Variants in ZNF765 observed in about 807,000 individuals in gnomAD.
ZNF765 encodes the protein zinc finger protein 765.
ZNF765 carries 37 observed loss-of-function variants against 44.7 expected under a neutral mutation model. The observed-to-expected ratio is 0.83, with a 90% CI of 0.64 to 1.09. ZNF765 has a LOEUF of 1.09. ZNF765 is among the 50% of genes least tolerant of loss of function. The pLI, the probability that ZNF765 is intolerant of heterozygous loss-of-function variation, is 0.00. For synonymous variants in ZNF765, 201 were observed against 213.7 expected, an observed-to-expected ratio of 0.94 and a Z score of 0.52; for missense variants, 594 against 626.1, an observed-to-expected ratio of 0.95 and a Z score of 0.55.
chr19:53,424,334 C>T (rs1052744496), exon 4 of ZNF765: 4 of 150,774 alleles, frequency 2.7e-5, no homozygotes, highest in Non-Finnish European at 5.9e-5. Flanking sequence ...ATTAGCCAGG[C>T]ATGGTGGCAC....
At position 53,423,237 on chromosome 19, in the gene ZNF765, G is replaced by T. The variant is rs775231593; in HGVS notation, c.*135G>T. 1.0e-5 allele frequency: 7 copies of T among 689,072 alleles called. No homozygotes were observed. In the Middle Eastern group the frequency reaches 9.3e-4, roughly 92 times the overall value. 42.7% of individuals were successfully genotyped at this position (689,072 alleles called of 1,614,324 possible). A position where few individuals can be genotyped will look rare whatever the true frequency, so the allele number is the denominator to read the frequency against. On this transcript the variant is annotated 3_prime_UTR_variant, in exon 4 of 4. Transcript: ENST00000594030. ...GGTCAATATCATTGTTCTCATGCAC[G>T]TGACCGGCAAGTGGAGCAACAAAAA... is the stretch of plus-strand genomic sequence containing the variant.
At chr19:53,397,900 T>A (rs1319889091) in intron 1 of ZNF765, 43 bp from the exon 2 acceptor site, 1 of 1,488,760 alleles carries the variant, frequency 6.7e-7, no homozygotes, top group East Asian at 2.2e-5. Context: ...AGGGAGGGGA[T>A]ATGTTGATTC....
intron 3 of ZNF765, among the ~76,000 whole-genome samples, chr19:53,405,074 G>A (rs993216066): frequency 1.4e-4 from 22 of 152,094 alleles, no homozygotes; most frequent in Admixed American, 1.4e-3. Flanking sequence ...GAATTTGGCC[G>A]GGCACGGTGG....
downstream of ZNF765, among the ~76,000 whole-genome samples, chr19:53,416,085 G>C (rs1600065388): frequency 6.6e-6 from 1 of 152,198 alleles, no homozygotes; most frequent in East Asian, 1.9e-4. Context: ...CCCCCGAGTA[G>C]CTGGGATTAC....
rs573935365 is a variant in ZNF765, at chr19:53,406,152, C to A, written c.143-1546C>A. ...CAAATGATTCTCCTGCCTCAGCCTT[C>A]CAAGTAGCTGAGATTACAGGCAGCC... On this transcript the variant is annotated intron_variant, in intron 3 of 3. Transcript: ENST00000396408. Among the ~76,000 whole-genome samples, 399 of 150,702 alleles carry A rather than the reference C, an allele frequency of 2.6e-3. 1 individual carries two copies. Among genetic ancestry groups the A allele is most frequent in the Non-Finnish European group, 4.3e-3 (294 of 67,774 alleles).
At chr19:53,419,811 A>G (rs1453625979) in intron 3 of ZNF765, among the ~76,000 whole-genome samples, 1 of 151,664 alleles carries the variant, frequency 6.6e-6, no homozygotes, top group Non-Finnish European at 1.5e-5. Context: ...TGAGGTCAGG[A>G]GTTCGAGACC....
downstream of ZNF765, among the ~76,000 whole-genome samples, chr19:53,412,968 G>A (rs757035438): frequency 6.6e-6 from 1 of 152,154 alleles, no homozygotes; most frequent in East Asian, 1.9e-4. Flanking sequence ...AAATTAACTG[G>A]GTATGGTGGC....
At chr19:53,403,547 C>G (rs1305724253) in intron 3 of ZNF765, among the ~76,000 whole-genome samples, 3 of 152,184 alleles carry the variant, frequency 2.0e-5, no homozygotes, top group Admixed American at 1.3e-4. Flanking sequence ...CTCCGCCTTT[C>G]AGGCTCAAAC....
intron 3 of ZNF765, among the ~76,000 whole-genome samples, chr19:53,403,547 C>T (rs1305724253): frequency 6.6e-6 from 1 of 152,184 alleles, no homozygotes; most frequent in Non-Finnish European, 1.5e-5. Flanking sequence ...CTCCGCCTTT[C>T]AGGCTCAAAC....
intron 3 of ZNF765, among the ~76,000 whole-genome samples, chr19:53,419,580 T>C (rs1284685464): frequency 2.6e-5 from 4 of 152,226 alleles, no homozygotes; most frequent in Admixed American, 2.6e-4. Context: ...GAAAGTCTAA[T>C]ATCCGGCTCT....
chr19:53,397,718 A>G (rs1214238213), intron 1 of ZNF765, among the ~76,000 whole-genome samples: 1 of 151,782 alleles, frequency 6.6e-6, no homozygotes, highest in Non-Finnish European at 1.5e-5. Context: ...TCTGTGCCCT[A>G]AAGGGGAGCT....
intron 3 of ZNF765, among the ~76,000 whole-genome samples, chr19:53,405,950 T>TATAA (rs1474292096): frequency 1.7e-5 from 2 of 117,602 alleles, no homozygotes; most frequent in East Asian, 2.8e-4. Context: ...TATATATATA[T>TATAA]AAAATTGCTG....
chr19:53,408,424 G>T lies in ZNF765; in HGVS notation c.869G>T (p.Arg290Leu). The T allele has an allele frequency of 6.2e-7, 1 of 1,613,774 alleles. No individual in the cohort carries two copies. Among genetic ancestry groups the T allele is most frequent in the Non-Finnish European group, 8.5e-7 (1 of 1,179,924 alleles). ...FSQTYYLTCH[R>L]RLHTGEKPYK... is the part of the protein sequence containing the mutation. ...CAGACATATTACCTAACATGCCATC[G>T]TAGACTTCATACTGGAGAGAAACCT... Residue 290 changes from arginine (R) to leucine (L), a missense_variant, in exon 4 of 4, where the codon CGT becomes CTT. By Grantham distance (102) the Arg-to-Leu change is moderately radical (BLOSUM62 -2). Coordinates refer to ENST00000396408, the MANE Select transcript of ZNF765 (RefSeq NM_001040185.3).
chr19:53,407,079 T>A (rs1359238546), intron 3 of ZNF765, among the ~76,000 whole-genome samples: 1 of 152,032 alleles, frequency 6.6e-6, no homozygotes, highest in African/African-American at 2.4e-5. Flanking sequence ...TGGTGCAATC[T>A]CAGCTCACTG....
chr19:53,400,621 A>G (rs530231634), intron 2 of ZNF765, among the ~76,000 whole-genome samples: 8 of 152,160 alleles, frequency 5.3e-5, no homozygotes, highest in African/African-American at 1.4e-4. Flanking sequence ...ACACATACAC[A>G]TATACATATA....
At chr19:53,402,243 C>G (rs1430123265) in intron 3 of ZNF765, 52 bp downstream of exon 3, 3 of 1,333,960 alleles carry the variant, frequency 2.2e-6, no homozygotes, top group Non-Finnish European at 3.0e-6. Context: ...TTTGTATTTT[C>G]TCTCCTTTTT....
At chr19:53,397,804 G>C in intron 1 of ZNF765, 139 bp from the exon 2 acceptor site, 1 of 862,124 alleles carries the variant, frequency 1.2e-6, no homozygotes, top group Non-Finnish European at 1.7e-6. Context: ...TTTCCTGTAG[G>C]AGTTTATTGT....
In ZNF765 at chr19:53,409,320, A is replaced by G; in HGVS notation, c.*193A>G. On this transcript the variant is annotated 3_prime_UTR_variant, in exon 4 of 4. Coordinates refer to ENST00000396408, the MANE Select transcript of ZNF765 (RefSeq NM_001040185.3). Reference sequence around the variant, plus strand: ...TGAGTGTGGCAAGACCTTGAGTCATACGTCATCTTTTGTGTACCATCATAA... The same window carrying G: ...TGAGTGTGGCAAGACCTTGAGTCATGCGTCATCTTTTGTGTACCATCATAA... The G allele has an allele frequency of 1.1e-6, 1 of 882,866 alleles. No homozygotes were observed. Among genetic ancestry groups the G allele is most frequent in the Non-Finnish European group, 1.9e-6 (1 of 521,402 alleles). The allele number at this position is 882,866 out of a possible 1,614,324, so 54.7% of individuals were successfully genotyped here. A position where few individuals can be genotyped will look rare whatever the true frequency, so the allele number is the denominator to read the frequency against.
intron 2 of ZNF765, chr19:53,401,817 A>G (rs2085728751): frequency 5.3e-6 from 5 of 950,122 alleles, no homozygotes; most frequent in Non-Finnish European, 7.9e-6. Flanking sequence ...TGGAGGTTGC[A>G]TTGAGCAGAG....
Sources: allele counts gnomAD v4.1 joint callset (sites outside exome capture counted in the v4.1 genomes callset), GRCh38; gene constraint gnomAD v4.1.1; transcripts MANE v1.5; gene names NCBI Gene and HGNC (gene_info 2026-07-23, HGNC 2026-07-21).